The following ATG4D variants were observed in gnomAD, a reference collection of about 807,000 sequenced individuals.
The protein encoded by ATG4D is autophagy related 4D cysteine peptidase.
In ATG4D, 51 loss-of-function variants were observed where a neutral mutation model predicts 55.2. That is an observed-to-expected ratio of 0.92 (90% CI 0.74 to 1.17). ATG4D has a LOEUF of 1.17. Among genes scored for constraint, ATG4D ranks in the 50% most tolerant of loss-of-function variants. The pLI is 0.00. For synonymous variants in ATG4D, 268 were observed against 266.2 expected (o/e 1.01, Z -0.07); for missense variants, 635 against 649.6 (o/e 0.98, Z 0.25).
chr19:10,551,403 G>C (rs527546936), intron 6 of ATG4D, among the ~76,000 whole-genome samples: 1 of 151,882 alleles, frequency 6.6e-6, no homozygotes, highest in African/African-American at 2.4e-5. Context: ...TGGAGGTTTC[G>C]GTGAGCCAAG....
chr19:10,546,174 A>T (rs1279369285), intron 3 of ATG4D, among the ~76,000 whole-genome samples: 2 of 151,768 alleles, frequency 1.3e-5, no homozygotes, highest in African/African-American at 2.4e-5. Context: ...AATTTTAAAA[A>T]TTAGCTGAGT....
In ATG4D at chr19:10,548,902, A is replaced by C; in HGVS notation, c.836-2A>C. 1 of 1,613,608 alleles carries C rather than the reference A, an allele frequency of 6.2e-7. No homozygotes were observed. Among genetic ancestry groups the C allele is most frequent in the Non-Finnish European group, 8.5e-7 (1 of 1,179,656 alleles). ...TGACCTGCTGCTGTCCCGTCCCTCC[A>C]GTGTACAAGGCGGATGTGGCACGCC... On this transcript the variant is annotated splice_acceptor_variant, in intron 5 of 9. Transcript: ENST00000309469. LOFTEE classifies it high-confidence loss of function.
chr19:10,549,530 G>T (rs1916156425), intron 6 of ATG4D, among the ~76,000 whole-genome samples: 1 of 152,120 alleles, frequency 6.6e-6, no homozygotes, highest in African/African-American at 2.4e-5. Context: ...CAATTCTCCT[G>T]CCTCAGTCTC....
rs541060502 is a variant in ATG4D at position 10,546,184 on chromosome 19, T to C, written c.494-655T>C. On this transcript the variant is annotated intron_variant, in intron 3 of 9. Coordinates refer to ENST00000309469, the MANE Select transcript of ATG4D (RefSeq NM_032885.6). Reference sequence around the variant, plus strand: ...AAAAAAATTTTAAAAATTAGCTGAGTGTGGTGGCATGTGCCTGTGATCCCA... The same window carrying C: ...AAAAAAATTTTAAAAATTAGCTGAGCGTGGTGGCATGTGCCTGTGATCCCA... Among the ~76,000 whole-genome samples the C allele has an allele frequency of 3.6e-4, 55 of 151,782 alleles. No homozygotes were observed. The South Asian group carries it at 9.8e-3, about 27-fold the overall frequency.
In ATG4D at chr19:10,548,974, C is replaced by T; in HGVS notation, c.906C>T (p.Ile302=). The change falls in exon 6 of 10, where the codon ATC becomes ATT. Residue 302 remains isoleucine, a synonymous_variant. Transcript: ENST00000309469. The stretch of plus-strand genomic sequence containing the variant: ...CAGCCGAGTGGAAGTCTGTGGTCAT[C>T]CTGGTGCCCGTGCGACTGGGTGGCG... ...DPTAEWKSVV[I]LVPVRLGGET... The T allele has an allele frequency of 6.2e-7, 1 of 1,614,110 alleles. No individual in the cohort carries two copies. The highest frequency in any genetic ancestry group is 1.3e-5 in the African/African-American group (1 of 75,022).
rs1916365291 is a variant in ATG4D at position 10,553,280 on chromosome 19, G to C, written c.*213G>C. 2 of 607,190 alleles carry C rather than the reference G, an allele frequency of 3.3e-6. No homozygotes were observed. Among genetic ancestry groups the C allele is most frequent in the Non-Finnish European group, 5.4e-6 (2 of 371,162 alleles). 37.6% of individuals were successfully genotyped at this position (607,190 alleles called of 1,614,324 possible). ...CCAGCGGGGCCCTCCTGGCAGGGTA[G>C]GGAAGGAGGACCCCGGGCACCCCCC... On this transcript the variant is annotated 3_prime_UTR_variant, in exon 10 of 10. Transcript: ENST00000309469.
intron 5 of ATG4D, among the ~76,000 whole-genome samples, chr19:10,547,625 C>T (rs1342360853): frequency 1.7e-4 from 9 of 53,440 alleles, no homozygotes; most frequent in Admixed American, 6.6e-4. Flanking sequence ...AGGATCCTGT[C>T]GAAAAAAAAA....
chr19:10,552,019 C>T (rs1475864986), intron 7 of ATG4D, 26 bp from the exon 8 acceptor site: 9 of 1,611,924 alleles, frequency 5.6e-6, no homozygotes, highest in Non-Finnish European at 7.6e-6. Flanking sequence ...CCACCGCACC[C>T]CCACTCACAC....
rs907669958 is a variant in ATG4D, at chr19:10,553,355, CCT to C, written c.*289_*290del. On this transcript the variant is annotated 3_prime_UTR_variant, in exon 10 of 10. Transcript: ENST00000309469. ...GTTTGCACTGGACGCCCGGGCCCTC[CCT>C]GTCCCAAAGCCCCCTTGGGGGAACT... 8.9e-6 allele frequency: 3 copies of C among 337,580 alleles called. No individual in the cohort carries two copies. Among genetic ancestry groups the C allele is most frequent in the Non-Finnish European group, 1.6e-5 (3 of 182,748 alleles). 20.9% of individuals were successfully genotyped at this position (337,580 alleles called of 1,614,324 possible).
chr19:10,553,069 G>C lies in ATG4D; in HGVS notation c.*2G>C. 1 of 1,593,982 alleles carries C rather than the reference G, an allele frequency of 6.3e-7. No homozygotes were observed. The highest frequency in any genetic ancestry group is 8.5e-7 in the Non-Finnish European group (1 of 1,170,886). ...TCTGAGGACTTTGTGTTTTTATAAA[G>C]GGAGGGGATGAGGGGAAAGATACAA... On this transcript the variant is annotated 3_prime_UTR_variant, in exon 10 of 10. Coordinates refer to ENST00000309469, the MANE Select transcript of ATG4D (RefSeq NM_032885.6).
In ATG4D at chr19:10,544,735, T is replaced by C; in HGVS notation, c.236-48T>C. On this transcript the variant is annotated intron_variant, in intron 1 of 9. Transcript: ENST00000309469. Reference sequence around the variant, plus strand: ...TGGGGGAATGGAAGCGCTGTTGCTGTCATGCAAGTGCTTCATCTCGCTGGG... The same window carrying C: ...TGGGGGAATGGAAGCGCTGTTGCTGCCATGCAAGTGCTTCATCTCGCTGGG... 1.9e-6 allele frequency: 3 copies of C among 1,609,904 alleles called. No homozygotes were observed. In the South Asian group the frequency reaches 3.3e-5, roughly 18 times the overall value.
chr19:10,550,210 G>A (rs943893735), intron 6 of ATG4D, among the ~76,000 whole-genome samples: 4 of 152,042 alleles, frequency 2.6e-5, no homozygotes, highest in African/African-American at 9.7e-5. Context: ...GTTTTCCCAT[G>A]TTGGCCAGGC....
At chr19:10,551,274 C>T (rs1470344273) in intron 6 of ATG4D, among the ~76,000 whole-genome samples, 1 of 151,840 alleles carries the variant, frequency 6.6e-6, no homozygotes, top group East Asian at 1.9e-4. Context: ...CCAGTCTGGC[C>T]AACATGGTGA....
chr19:10,547,626 GAAAAAAA>G (rs778363094), intron 5 of ATG4D, among the ~76,000 whole-genome samples: 52 of 49,244 alleles, frequency 1.1e-3, no homozygotes, highest in African/African-American at 3.5e-3. Flanking sequence ...GGATCCTGTC[GAAAAAAA>G]AAAAAAAAAA....
At position 10,552,038 on chromosome 19, in the gene ATG4D, C is replaced by T; in HGVS notation, c.1046-7C>T. ...CGCACCCCCACTCACACCTGCACCC[C>T]CTGCAGATGACTTCCTGCTGTACCT... On this transcript the variant is annotated splice_polypyrimidine_tract_variant and splice_region_variant and intron_variant, in intron 7 of 9. Coordinates refer to ENST00000309469, the MANE Select transcript of ATG4D (RefSeq NM_032885.6). 1.2e-6 allele frequency: 2 copies of T among 1,612,682 alleles called. No homozygotes were observed. The highest frequency in any genetic ancestry group is 1.7e-6 in the Non-Finnish European group (2 of 1,179,732).
At chr19:10,548,003 ATT>A (rs60924749) in intron 5 of ATG4D, among the ~76,000 whole-genome samples, 1 of 34,998 alleles carries the variant, frequency 2.9e-5, no homozygotes, top group Non-Finnish European at 5.3e-5. Flanking sequence ...AGCCCCTGTA[ATT>A]TTTTTTTTTT....
chr19:10,550,768 G>A (rs1916197209), intron 6 of ATG4D, among the ~76,000 whole-genome samples: 2 of 142,662 alleles, frequency 1.4e-5, no homozygotes, highest in African/African-American at 5.2e-5. Flanking sequence ...CTGGAGTGCA[G>A]TGGCATGATC....
chr19:10,547,626 G>GAAA (rs778363094), intron 5 of ATG4D, among the ~76,000 whole-genome samples: 6 of 49,256 alleles, frequency 1.2e-4, no homozygotes, highest in Admixed American at 2.9e-4. Flanking sequence ...GGATCCTGTC[G>GAAA]AAAAAAAAAA....
At chr19:10,549,453 T>C (rs1362144242) in intron 6 of ATG4D, among the ~76,000 whole-genome samples, 3 of 150,346 alleles carry the variant, frequency 2.0e-5, no homozygotes, top group African/African-American at 7.4e-5. Flanking sequence ...AGTCTTGCTC[T>C]TTTGCCCAGG....
Sources: allele counts gnomAD v4.1 joint callset (sites outside exome capture counted in the v4.1 genomes callset), GRCh38; gene constraint gnomAD v4.1.1; transcripts MANE v1.5; gene names NCBI Gene and HGNC (gene_info 2026-07-23, HGNC 2026-07-21).